The following COG4 variants were observed in gnomAD, a reference collection of about 807,000 sequenced individuals.
COG4 encodes the protein component of oligomeric golgi complex 4, also known as conserved oligomeric Golgi complex subunit 4.
Under a neutral mutation model 95.1 loss-of-function variants are expected in COG4, and 65 were observed. The observed-to-expected ratio is 0.68, with a 90% CI of 0.56 to 0.84. COG4 has a LOEUF of 0.84. COG4 is among the 40% of genes least tolerant of loss of function. The pLI, the probability that COG4 is intolerant of heterozygous loss-of-function variation, is 0.00. For synonymous variants in COG4, 421 were observed against 374.8 expected (o/e 1.12, Z -1.42); for missense variants, 1,045 against 989.1 (o/e 1.06, Z -0.76).
At chr16:70,509,451 C>T (rs1006602076) in intron 6 of COG4, 63 bp from the exon 7 acceptor site, 9 of 1,580,522 alleles carry the variant, frequency 5.7e-6, no homozygotes, top group Non-Finnish European at 6.9e-6. Flanking sequence ...AAACTTGCTC[C>T]CATCCAGGAC....
intron 8 of COG4, among the ~76,000 whole-genome samples, 177 bp downstream of exon 8, chr16:70,508,229 G>A (rs2049620403): frequency 6.6e-6 from 1 of 152,054 alleles, no homozygotes; most frequent in South Asian, 2.1e-4. Flanking sequence ...GATTATGACT[G>A]ATTACACAAT....
At chr16:70,498,620 C>T (rs539907384) in intron 9 of COG4, among the ~76,000 whole-genome samples, 1 of 152,260 alleles carries the variant, frequency 6.6e-6, no homozygotes, top group African/African-American at 2.4e-5. Context: ...CCACCATGCC[C>T]GGCCTTATTT....
chr16:70,509,175 TCA>T, intron 7 of COG4, 54 bp downstream of exon 7: 1 of 1,602,754 alleles, frequency 6.2e-7, no homozygotes, highest in Non-Finnish European at 8.5e-7. Flanking sequence ...TTTATTCTAC[TCA>T]GTGTTCCTCG....
Sources: gnomAD v4.1 joint callset for allele counts (sites outside exome capture counted in the v4.1 genomes callset) on GRCh38, gnomAD v4.1.1 for gene constraint, MANE v1.5 for transcripts, NCBI Gene and HGNC (gene_info 2026-07-23, HGNC 2026-07-21) for gene names.